ALOX12: variants seen among roughly 807,000 people sequenced by gnomAD.
ALOX12 encodes the protein arachidonate 12-lipoxygenase, 12S type.
ALOX12 carries 62 observed loss-of-function variants against 85.5 expected under a neutral mutation model. The observed-to-expected ratio is 0.73, with a 90% CI of 0.59 to 0.90. The LOEUF (loss-of-function observed/expected upper bound fraction) is 0.90. Ranked by LOEUF, ALOX12 falls within the 40% of genes least tolerant of loss-of-function variation. The probability of loss-of-function intolerance (pLI) is 0.00; values close to 1 mark genes in which losing one functional copy is unlikely to be tolerated. For missense variants in ALOX12, 751 were observed against 856.5 expected (o/e 0.88, Z 1.54); for synonymous variants, 299 against 332.7 (o/e 0.90, Z 1.10).
At chr17:7,006,358 C>T in intron 10 of ALOX12, 128 bp from the exon 11 acceptor site, 1 of 1,405,368 alleles carries the variant, frequency 7.1e-7, no homozygotes, top group Non-Finnish European at 9.7e-7. Flanking sequence ...GTTTAGAGGG[C>T]TGAGGATGTC....
chr17:6,997,118 T>G (rs1908486459), intron 2 of ALOX12, 91 bp downstream of exon 2: 8 of 1,453,334 alleles, frequency 5.5e-6, no homozygotes, highest in Non-Finnish European at 6.4e-6. Context: ...GGAGCAGACT[T>G]AGAGGATGTA....
intron 8 of ALOX12, chr17:7,002,086 C>T: frequency 2.2e-6 from 1 of 458,070 alleles, no homozygotes. Context: ...AAGCCATATT[C>T]CTACCTTAGA....
At chr17:6,996,441 G>A (rs1908442880) in intron 1 of ALOX12, among the ~76,000 whole-genome samples, 189 bp downstream of exon 1, 1 of 152,136 alleles carries the variant, frequency 6.6e-6, no homozygotes, top group Non-Finnish European at 1.5e-5. Flanking sequence ...TGGGATCCCG[G>A]GCTGGGCTCA....
At chr17:7,001,851 CAGAG>C in intron 8 of ALOX12, 40 bp downstream of exon 8, 1 of 1,566,496 alleles carries the variant, frequency 6.4e-7, no homozygotes, top group Non-Finnish European at 8.8e-7. Context: ...CCTCAGACCC[CAGAG>C]AGAGGAACAG....
rs1228066068 is a variant in ALOX12 at position 7,006,696 on chromosome 17, G to T, written c.1540+89G>T. On this transcript the variant is annotated intron_variant, in intron 11 of 13. Transcript: ENST00000251535. The stretch of plus-strand genomic sequence containing the variant: ...CTGCCCTTCTGGGGACAGGACCCCA[G>T]CCTCTCATCACGCCTCCCTTCCTCC... The T allele has an allele frequency of 1.4e-5, 21 of 1,482,658 alleles. No individual in the cohort carries two copies. In the African/African-American group the frequency reaches 2.8e-4, roughly 20 times the overall value. The allele number at this position is 1,482,658 out of a possible 1,614,324, so 91.8% of individuals were successfully genotyped here.
At chr17:7,003,555 T>G (rs1452334320) in intron 8 of ALOX12, among the ~76,000 whole-genome samples, 1 of 152,032 alleles carries the variant, frequency 6.6e-6, no homozygotes. Flanking sequence ...GCCTTCAGAG[T>G]AGCTGGGACT....
Position 7,010,631 on chromosome 17 carries a change from T to G in ALOX12, c.*208T>G, listed in dbSNP as rs373657143. The G allele has an allele frequency of 1.8e-6, 1 of 558,120 alleles. No individual in the cohort carries two copies. 34.6% of individuals were successfully genotyped at this position (558,120 alleles called of 1,614,324 possible). A position where few individuals can be genotyped will look rare whatever the true frequency, so the allele number is the denominator to read the frequency against. On this transcript the variant is annotated 3_prime_UTR_variant, in exon 14 of 14. Transcript: ENST00000251535. ...CCTTTTTTACGCTTTGCAGACCGCA[T>G]AGTCACTGTCTCAACTACTCAGCTC...
At chr17:7,004,447 TTTTTA>T (rs1442037902) in intron 8 of ALOX12, among the ~76,000 whole-genome samples, 5 of 145,890 alleles carry the variant, frequency 3.4e-5, no homozygotes, top group Non-Finnish European at 7.6e-5. Flanking sequence ...AATTTTAATA[TTTTTA>T]TTTTAATATT....
intron 8 of ALOX12, among the ~76,000 whole-genome samples, chr17:7,003,564 C>T (rs746422488): frequency 6.6e-6 from 1 of 152,038 alleles, no homozygotes; most frequent in Non-Finnish European, 1.5e-5. Context: ...GTAGCTGGGA[C>T]TACAGGTGTG....
At chr17:7,007,066 G>T (rs1246855434) in intron 11 of ALOX12, among the ~76,000 whole-genome samples, 1 of 152,122 alleles carries the variant, frequency 6.6e-6, no homozygotes, top group African/African-American at 2.4e-5. Flanking sequence ...CGCACAGAGG[G>T]TCCAGGAATA....
chr17:6,997,232 G>T (rs1908491435), intron 2 of ALOX12: 1 of 794,326 alleles, frequency 1.3e-6, no homozygotes, highest in Admixed American at 6.2e-5. Context: ...GAGGCTGCGT[G>T]TGAGGCTGGA....
At position 6,999,376 on chromosome 17, in the gene ALOX12, GC is replaced by G; in HGVS notation, c.718del (p.Leu240CysfsTer2). 6.2e-7 allele frequency: 1 copy of G among 1,614,222 alleles called. No homozygotes were observed. Among genetic ancestry groups the G allele is most frequent in the South Asian group, 1.1e-5 (1 of 91,084 alleles). On this transcript the variant is annotated frameshift_variant, in exon 6 of 14. Coordinates refer to ENST00000251535, the MANE Select transcript of ALOX12 (RefSeq NM_000697.3). LOFTEE classifies it high-confidence loss of function. ...YQFLNGANPM[L>X]LRRSTSLPSR... The stretch of plus-strand genomic sequence containing the variant: ...AGTTCCTCAATGGTGCCAACCCCAT[GC>G]TGTTGAGACGCTCGACCTCTCTGCC...
Position 6,998,523 on chromosome 17 carries a change from G to A in ALOX12, c.352G>A (p.Asp118Asn). 6.2e-7 allele frequency: 1 copy of A among 1,613,702 alleles called. No individual in the cohort carries two copies. The highest frequency in any genetic ancestry group is 8.5e-7 in the Non-Finnish European group (1 of 1,179,744). ...TGTCTCCCCAGCCCGCCTGCCAGGAGACAATGCTTTGGACATGTTCCAGAA... is the reference window on the plus strand; with the variant it reads ...TGTCTCCCCAGCCCGCCTGCCAGGAAACAATGCTTTGGACATGTTCCAGAA... ...LPEGTARLPG[D>N]NALDMFQKHR... Residue 118 changes from aspartate to asparagine, a missense_variant, in exon 3 of 14, where the codon GAC becomes AAC. Coordinates refer to ENST00000251535, the MANE Select transcript of ALOX12 (RefSeq NM_000697.3).
In ALOX12 at chr17:6,999,391, G is replaced by C; in HGVS notation, c.732G>C (p.Ser244=). ...CCAACCCCATGCTGTTGAGACGCTC[G>C]ACCTCTCTGCCCTCCAGGCTAGTGC... ...NGANPMLLRR[S]TSLPSRLVLP... Residue 244 remains serine, a synonymous_variant, in exon 6 of 14, where the codon TCG becomes TCC. Transcript: ENST00000251535. The C allele has an allele frequency of 6.2e-7, 1 of 1,614,172 alleles. No homozygotes were observed. Among genetic ancestry groups the C allele is most frequent in the Non-Finnish European group, 8.5e-7 (1 of 1,180,018 alleles).
chr17:7,008,096 C>A (rs931516399), intron 11 of ALOX12, among the ~76,000 whole-genome samples: 2 of 152,202 alleles, frequency 1.3e-5, no homozygotes, highest in Non-Finnish European at 2.9e-5. Flanking sequence ...GTATCAAACC[C>A]ATTCAGGAGG....
At chr17:6,999,551 G>A (rs1205286065) in intron 6 of ALOX12, 85 bp downstream of exon 6, 3 of 1,459,468 alleles carry the variant, frequency 2.1e-6, no homozygotes, top group Admixed American at 1.8e-5. Flanking sequence ...TGAGTCAGAG[G>A]AAGGCTGCAG....
chr17:7,006,344 G>A, intron 10 of ALOX12, 142 bp from the exon 11 acceptor site: 1 of 1,223,938 alleles, frequency 8.2e-7, no homozygotes. Flanking sequence ...TGAGATGCTA[G>A]TGTGTTTAGA....
chr17:7,004,659 G>A (rs1216467030), intron 8 of ALOX12, among the ~76,000 whole-genome samples: 1 of 152,058 alleles, frequency 6.6e-6, no homozygotes, highest in Non-Finnish European at 1.5e-5. Context: ...TAAACAGGTA[G>A]CTGAATATAG....
intron 11 of ALOX12, chr17:7,009,478 C>T (rs1048885603): frequency 2.4e-6 from 1 of 410,748 alleles, no homozygotes; most frequent in Non-Finnish European, 4.5e-6. Context: ...TTATTACAGA[C>T]CAGGTGATTT....
Sources: gnomAD v4.1 joint callset for allele counts (sites outside exome capture counted in the v4.1 genomes callset) on GRCh38, gnomAD v4.1.1 for gene constraint, MANE v1.5 for transcripts, NCBI Gene and HGNC (gene_info 2026-07-23, HGNC 2026-07-21) for gene names.